The following CYP4F2 variants were observed in gnomAD, a reference collection of about 807,000 sequenced individuals.
CYP4F2 encodes the protein cytochrome P450 family 4 subfamily F member 2, also known as cytochrome P450 4F2.
Under a neutral mutation model 58.9 loss-of-function variants are expected in CYP4F2, and 58 were observed. The ratio of observed to expected loss-of-function variants is 0.98; its 90% CI spans 0.80 to 1.23. The LOEUF is 1.23. Ranked by LOEUF, CYP4F2 falls within the 50% of genes most tolerant of loss-of-function variation. The pLI is 0.00. For synonymous variants in CYP4F2, 287 were observed against 261.1 expected (o/e 1.10, Z -0.95); for missense variants, 616 against 685.6 (o/e 0.90, Z 1.13).
chr19:15,883,110 C>G (rs1305761876), intron 9 of CYP4F2, among the ~76,000 whole-genome samples: 2 of 152,090 alleles, frequency 1.3e-5, no homozygotes, highest in African/African-American at 4.8e-5. Flanking sequence ...AGGCAATAGA[C>G]AAATGAGATT....
intron 2 of CYP4F2, 41 bp downstream of exon 2, chr19:15,897,373 A>C (rs1237541198): frequency 1.4e-6 from 2 of 1,469,696 alleles, no homozygotes; most frequent in South Asian, 2.3e-5. Context: ...CAGGAAGTCC[A>C]TCCATCCTGA....
Position 15,886,477 on chromosome 19 carries a change from C to T in CYP4F2, c.919-169G>A. 6.2e-6 allele frequency: 5 copies of T among 803,390 alleles called. No homozygotes were observed. The South Asian group carries it at 7.2e-5, about 12-fold the overall frequency. 49.8% of individuals were successfully genotyped at this position (803,390 alleles called of 1,614,324 possible). On this transcript the variant is annotated intron_variant, in intron 7 of 12. Coordinates refer to ENST00000221700, the MANE Select transcript of CYP4F2 (RefSeq NM_001082.5). The stretch of plus-strand genomic sequence containing the variant: ...CCCTCTTGGTCACCATGGCCAGAGC[C>T]CTCACCTCATGGCCTTCCTCTCTGG...
In CYP4F2 at chr19:15,878,919, G is replaced by T; in HGVS notation, c.1415C>A (p.Thr472Lys). The change falls in exon 13 of 13, where the codon ACG (threonine) becomes AAG (lysine). Residue 472 changes from threonine to lysine, a missense_variant. Physicochemically the swap from Thr to Lys is moderately conservative, Grantham distance 78. Coordinates refer to ENST00000221700, the MANE Select transcript of CYP4F2 (RefSeq NM_001082.5). ...SAGPRNCIGQ[T>K]FAMAEMKVVL... ...CACCTTCATCTCCGCCATCGCGAACGTCTGCCCGATGCAGTTCCTAGGGGA... is the reference window on the plus strand; with the variant it reads ...CACCTTCATCTCCGCCATCGCGAACTTCTGCCCGATGCAGTTCCTAGGGGA... The T allele has an allele frequency of 1.2e-6, 2 of 1,613,788 alleles. No individual in the cohort carries two copies. Among genetic ancestry groups the T allele is most frequent in the South Asian group, 1.1e-5 (1 of 91,032 alleles).
Position 15,892,539 on chromosome 19 carries a change from C to T in CYP4F2, c.387G>A (p.Glu129=), listed in dbSNP as rs2089423001. The part of the protein sequence containing the change: ...PKDKFFYSFL[E]PWLGDGLLLS... Reference sequence around the variant, plus strand: ...CCTGCAGATACTCACCCAGCCAGGGCTCCAGGAAGCTGTAGAAGAACTTGT... The same window carrying T: ...CCTGCAGATACTCACCCAGCCAGGGTTCCAGGAAGCTGTAGAAGAACTTGT... The change falls in exon 4 of 13, where the codon GAG becomes GAA. Residue 129 remains glutamate, a synonymous_variant. Coordinates refer to ENST00000221700, the MANE Select transcript of CYP4F2 (RefSeq NM_001082.5). The T allele has an allele frequency of 6.2e-7, 1 of 1,614,102 alleles. No individual in the cohort carries two copies. The highest frequency in any genetic ancestry group is 1.3e-5 in the African/African-American group (1 of 75,044).
At chr19:15,881,808 A>T (rs373858738) in intron 9 of CYP4F2, among the ~76,000 whole-genome samples, 58 of 152,244 alleles carry the variant, frequency 3.8e-4, no homozygotes, top group African/African-American at 1.4e-3. Context: ...CCTTAAAAAA[A>T]AAAAAAGAAA....
intron 9 of CYP4F2, 127 bp from the exon 10 acceptor site, chr19:15,880,024 A>G (rs2089334274): frequency 6.4e-7 from 1 of 1,559,844 alleles, no homozygotes; most frequent in African/African-American, 1.4e-5. Flanking sequence ...AATTGTTACA[A>G]AGTCGCAAGA....
At position 15,897,381 on chromosome 19, in the gene CYP4F2, T is replaced by C. The variant is rs2145017490; in HGVS notation, c.198+33A>G. The C allele has an allele frequency of 2.2e-6, 3 of 1,383,564 alleles. No homozygotes were observed. The East Asian group carries it at 1.2e-4, about 54-fold the overall frequency. The allele number at this position is 1,383,564 out of a possible 1,614,324, so 85.7% of individuals were successfully genotyped here. On this transcript the variant is annotated intron_variant, in intron 2 of 12. Coordinates refer to ENST00000221700, the MANE Select transcript of CYP4F2 (RefSeq NM_001082.5). ...TACCCCTCAGGAAGTCCATCCATCC[T>C]GAGACCTAGACCCATCCTGCTGCCA...
chr19:15,878,731 G>A lies in CYP4F2; in HGVS notation c.*40C>T, dbSNP rs1165235972. The A allele has an allele frequency of 1.9e-5, 31 of 1,607,786 alleles. No individual in the cohort carries two copies. Among genetic ancestry groups the A allele is most frequent in the Non-Finnish European group, 2.6e-5 (30 of 1,176,438 alleles). On this transcript the variant is annotated 3_prime_UTR_variant, in exon 13 of 13. Coordinates refer to ENST00000221700, the MANE Select transcript of CYP4F2 (RefSeq NM_001082.5). ...TCTAGGCTTCACTTTTGATGAATCA[G>A]GGGTCATTTTAGTGGGGTCAGAGTG...
At position 15,879,844 on chromosome 19, in the gene CYP4F2, C is replaced by G; in HGVS notation, c.1169G>C (p.Arg390Pro). 1.2e-6 allele frequency: 2 copies of G among 1,614,098 alleles called. No homozygotes were observed. The highest frequency in any genetic ancestry group is 1.7e-6 in the Non-Finnish European group (2 of 1,180,012). The change falls in exon 10 of 13, where the codon CGG becomes CCG. Residue 390 changes from arginine (R) to proline (P), a missense_variant. Transcript: ENST00000221700. The stretch of plus-strand genomic sequence containing the variant: ...GATGACCGGGACTGGGGGATGCAGC[C>G]GCAGGCTCTCCTTCATGCACATGGT... Reference protein sequence around the residue: ...FLTMCMKESLRLHPPVPVISR... With the variant: ...FLTMCMKESLPLHPPVPVISR...
chr19:15,890,301 C>A lies in CYP4F2; in HGVS notation c.647+11G>T, dbSNP rs2089408695. The A allele has an allele frequency of 6.2e-7, 1 of 1,613,948 alleles. No individual in the cohort carries two copies. Among genetic ancestry groups the A allele is most frequent in the Middle Eastern group, 1.6e-4 (1 of 6,062 alleles). Reference sequence around the variant, plus strand: ...ACAGCCCAAGATCCCAGATCCTGGGCAAGAACTTACTCCTGACAATGGCTG... The same window carrying A: ...ACAGCCCAAGATCCCAGATCCTGGGAAAGAACTTACTCCTGACAATGGCTG... On this transcript the variant is annotated intron_variant, in intron 6 of 12. Transcript: ENST00000221700.
chr19:15,890,202 A>G, intron 6 of CYP4F2, 110 bp downstream of exon 6: 1 of 1,575,348 alleles, frequency 6.3e-7, no homozygotes, highest in Non-Finnish European at 8.7e-7. Flanking sequence ...ATCAGGTATA[A>G]CAAAACTCCT....
At chr19:15,888,817 C>T (rs60052980) in intron 7 of CYP4F2, among the ~76,000 whole-genome samples, 21,379 of 152,068 alleles carry the variant, frequency 0.14, 1,645 homozygotes, top group Non-Finnish European at 0.17. Flanking sequence ...TAGTCATAGA[C>T]ACAGACAAAA....
intron 7 of CYP4F2, among the ~76,000 whole-genome samples, chr19:15,887,191 C>G (rs917784080): frequency 6.8e-6 from 1 of 147,038 alleles, no homozygotes; most frequent in Non-Finnish European, 1.5e-5. Flanking sequence ...GATATAGACA[C>G]AGACACACAC....
rs144233412 is a variant in CYP4F2 at position 15,889,671 on chromosome 19, C to A, written c.670G>T (p.Ala224Ser). 176 of 1,613,896 alleles carry A rather than the reference C, an allele frequency of 1.1e-4. No homozygotes were observed. In the African/African-American group the frequency reaches 1.9e-3, roughly 18 times the overall value. ...ACAAGGGCACTGAGCTCCAAGATGG[C>A]GGCAATATATTCACTGGGTTTCCTG... ...CQEKPSEYIA[A>S]ILELSALVSK... is the part of the protein sequence containing the mutation. The change falls in exon 7 of 13, where the codon GCC (alanine) becomes TCC (serine). Residue 224 changes from alanine to serine, a missense_variant. Coordinates refer to ENST00000221700, the MANE Select transcript of CYP4F2 (RefSeq NM_001082.5).
intron 5 of CYP4F2, 70 bp downstream of exon 5, chr19:15,892,239 C>T: frequency 6.2e-7 from 1 of 1,602,030 alleles, no homozygotes; most frequent in Non-Finnish European, 8.5e-7. Context: ...AGCCAAAACT[C>T]CAGACTAGAT....
intron 5 of CYP4F2, 59 bp downstream of exon 5, chr19:15,892,250 C>G (rs1455473673): frequency 3.1e-6 from 5 of 1,608,586 alleles, no homozygotes; most frequent in Non-Finnish European, 2.6e-6. Flanking sequence ...CAGACTAGAT[C>G]TCTCTGTTGT....
In CYP4F2 at chr19:15,892,539, C is replaced by A. The variant is rs2089423001; in HGVS notation, c.387G>T (p.Glu129Asp). Residue 129 changes from glutamate (E) to aspartate (D), a missense_variant, in exon 4 of 13, where the codon GAG (glutamate) becomes GAT (aspartate). Transcript: ENST00000221700. ...PKDKFFYSFLEPWLGDGLLLS... is the reference protein window; with the variant it reads ...PKDKFFYSFLDPWLGDGLLLS... ...CCTGCAGATACTCACCCAGCCAGGG[C>A]TCCAGGAAGCTGTAGAAGAACTTGT... 1.2e-6 allele frequency: 2 copies of A among 1,613,984 alleles called. No homozygotes were observed.
rs754740791 is a variant in CYP4F2 at position 15,879,796 on chromosome 19, A to G, written c.1217T>C (p.Ile406Thr). The change falls in exon 10 of 13, where the codon ATT (isoleucine) becomes ACT (threonine). Residue 406 changes from isoleucine to threonine, a missense_variant. Coordinates refer to ENST00000221700, the MANE Select transcript of CYP4F2 (RefSeq NM_001082.5). The stretch of plus-strand genomic sequence containing the variant: ...GATGACCCGGCCGTCTGGGAGCACA[A>G]TGTCCTGGGTGACATGGCGGGAGAT... Reference protein sequence around the residue: ...PVISRHVTQDIVLPDGRVIPK... With the variant: ...PVISRHVTQDTVLPDGRVIPK... 2.5e-6 allele frequency: 4 copies of G among 1,613,974 alleles called. No homozygotes were observed. In the African/African-American group the frequency reaches 4.0e-5, roughly 16 times the overall value.
intron 3 of CYP4F2, among the ~76,000 whole-genome samples, chr19:15,894,542 G>A (rs1164962804): frequency 6.6e-6 from 1 of 152,202 alleles, no homozygotes; most frequent in East Asian, 1.9e-4. Flanking sequence ...GACCTTGTGT[G>A]AGACCTGGAT....
Sources: gnomAD v4.1 joint callset for allele counts (sites outside exome capture counted in the v4.1 genomes callset) on GRCh38, gnomAD v4.1.1 for gene constraint, MANE v1.5 for transcripts, NCBI Gene and HGNC (gene_info 2026-07-23, HGNC 2026-07-21) for gene names.